The following KLRD1 variants were observed in gnomAD, a reference collection of about 807,000 sequenced individuals.
KLRD1 encodes killer cell lectin like receptor D1, also known as natural killer cells antigen CD94.
KLRD1 carries 21 observed loss-of-function variants against 22.6 expected under a neutral mutation model. The ratio of observed to expected loss-of-function variants is 0.93; its 90% confidence interval spans 0.66 to 1.34. The LOEUF (loss-of-function observed/expected upper bound fraction) is 1.34. Among genes scored for constraint, KLRD1 ranks in the 40% most tolerant of loss-of-function variants. The pLI, the probability that KLRD1 is intolerant of heterozygous loss-of-function variation, is 0.00. For synonymous variants in KLRD1, 59 were observed against 71.1 expected (o/e 0.83, Z 0.85); for missense variants, 183 against 208.6 (o/e 0.88, Z 0.76).
chr12:10,294,409 G>A (rs568144766), intron 1 of KLRD1, among the ~76,000 whole-genome samples: 11 of 151,864 alleles, frequency 7.2e-5, no homozygotes, highest in African/African-American at 1.7e-4. Flanking sequence ...TTTTTTGTTC[G>A]TTTTTTTGAG....
chr12:10,252,817 A>C (rs1338009000), intron 1 of KLRD1, among the ~76,000 whole-genome samples: 1 of 152,096 alleles, frequency 6.6e-6, no homozygotes, highest in African/African-American at 2.4e-5. Flanking sequence ...GAGTAAAACT[A>C]TCGCAGCTGT....
At chr12:10,295,569 G>T (rs940370155) in intron 1 of KLRD1, among the ~76,000 whole-genome samples, 1 of 151,630 alleles carries the variant, frequency 6.6e-6, no homozygotes, top group African/African-American at 2.4e-5. Flanking sequence ...TTTACACATT[G>T]AATAGAATTT....
intron 1 of KLRD1, among the ~76,000 whole-genome samples, chr12:10,281,371 T>TA (rs1949640822): frequency 6.6e-6 from 1 of 152,208 alleles, no homozygotes; most frequent in Non-Finnish European, 1.5e-5. Context: ...TTGTTTTTCT[T>TA]ACTAAATTTG....
At chr12:10,297,174 A>C (rs1404107934) in intron 1 of KLRD1, among the ~76,000 whole-genome samples, 1 of 152,168 alleles carries the variant, frequency 6.6e-6, no homozygotes, top group Non-Finnish European at 1.5e-5. Context: ...CAAGTTGTAA[A>C]CTTGTGCTCA....
At chr12:10,275,771 A>G (rs1219613059) in intron 1 of KLRD1, among the ~76,000 whole-genome samples, 2 of 152,242 alleles carry the variant, frequency 1.3e-5, no homozygotes, top group African/African-American at 4.8e-5. Flanking sequence ...AAAATTACCA[A>G]TTAGATAAAT....
chr12:10,319,670 C>G lies in KLRD1; in HGVS notation c.*4877C>G, dbSNP rs1434858166. The G allele has an allele frequency of 6.6e-6, 1 of 152,066 alleles. No homozygotes were observed. Among genetic ancestry groups the G allele is most frequent in the African/African-American group, 2.4e-5 (1 of 41,388 alleles). 9.4% of individuals were successfully genotyped at this position (152,066 alleles called of 1,614,324 possible). On this transcript the variant is annotated 3_prime_UTR_variant, in exon 6 of 6. Transcript: ENST00000336164. ...CACACAGCCAGCAAGGAACTGAAGT[C>G]TATTTCCAATAGCCATGCTATGAGC...
rs563873927 is a variant in KLRD1 at position 10,251,612 on chromosome 12, T to A, written c.-101+25379T>A. 2.0e-5 allele frequency among the ~76,000 whole-genome samples: 3 copies of A among 152,026 alleles called. No individual in the cohort carries two copies. The East Asian group carries it at 5.8e-4, about 29-fold the overall frequency. On this transcript the variant is annotated intron_variant, in intron 1 of 5. Coordinates refer to the KLRD1 transcript ENST00000544747. ...CACTTTATTTCTATTATTATTACAT[T>A]GTAATATATAATGAAATAATTCTAC...
chr12:10,297,881 C>G (rs75362903), intron 1 of KLRD1, among the ~76,000 whole-genome samples: 3,311 of 152,250 alleles, frequency 0.022, 107 homozygotes, highest in African/African-American at 0.074. Context: ...AATCTATGCT[C>G]TGGTCACTTA....
intron 1 of KLRD1, among the ~76,000 whole-genome samples, chr12:10,289,653 T>A (rs1432786220): frequency 6.6e-6 from 1 of 152,222 alleles, no homozygotes; most frequent in Non-Finnish European, 1.5e-5. Context: ...TTGCTTTGGT[T>A]TGGTTTGTTT....
In KLRD1 at chr12:10,321,970, C is replaced by T. The variant is rs1198834109; in HGVS notation, c.*7177C>T. 4.6e-5 allele frequency: 7 copies of T among 152,176 alleles called. No homozygotes were observed. The highest frequency in any genetic ancestry group is 9.7e-5 in the African/African-American group (4 of 41,424). The allele number at this position is 152,176 out of a possible 1,614,324, so 9.4% of individuals were successfully genotyped here. A position where few individuals can be genotyped will look rare whatever the true frequency, so the allele number is the denominator to read the frequency against. ...GAAATATTTTGTTGTTTTAAGCTTA[C>T]GAGTTTGAGGATAATTTGTTCTTTA... On this transcript the variant is annotated 3_prime_UTR_variant, in exon 6 of 6. Coordinates refer to ENST00000336164, the MANE Select transcript of KLRD1 (RefSeq NM_002262.5).
intron 1 of KLRD1, among the ~76,000 whole-genome samples, chr12:10,271,083 T>C (rs1005948617): frequency 7.2e-6 from 1 of 139,124 alleles, no homozygotes; most frequent in Non-Finnish European, 1.5e-5. Context: ...CGCAGCCGCC[T>C]CCACTCCCTA....
chr12:10,271,064 G>A (rs994389467), intron 1 of KLRD1, among the ~76,000 whole-genome samples: 11 of 150,644 alleles, frequency 7.3e-5, no homozygotes, highest in Middle Eastern at 3.2e-3. Flanking sequence ...GATTAGAGGC[G>A]TGAGCCACCG....
chr12:10,318,038 G>A lies in KLRD1; in HGVS notation c.*3245G>A, dbSNP rs538917937. 6.6e-6 allele frequency: 1 copy of A among 152,334 alleles called. No individual in the cohort carries two copies. The highest frequency in any genetic ancestry group is 2.1e-4 in the South Asian group (1 of 4,828). 9.4% of individuals were successfully genotyped at this position (152,334 alleles called of 1,614,324 possible). ...CTACCAGTTCCCTCACATGATACGT[G>A]AGGATTAGGGGCACTACAATTCAAG... On this transcript the variant is annotated 3_prime_UTR_variant, in exon 6 of 6. Transcript: ENST00000336164.
intron 1 of KLRD1, among the ~76,000 whole-genome samples, chr12:10,244,474 A>T (rs1303127634): frequency 2.0e-5 from 3 of 152,168 alleles, no homozygotes; most frequent in African/African-American, 7.2e-5. Flanking sequence ...CATTTCCAAT[A>T]AACTCAGTTA....
chr12:10,263,951 A>T (rs1293717641), intron 1 of KLRD1, among the ~76,000 whole-genome samples: 4 of 152,122 alleles, frequency 2.6e-5, no homozygotes, highest in East Asian at 3.8e-4. Flanking sequence ...CATAGGATGG[A>T]TGTGGCTAGT....
At chr12:10,311,694 T>G in intron 4 of KLRD1, 79 bp downstream of exon 4, 1 of 1,370,482 alleles carries the variant, frequency 7.3e-7, no homozygotes, top group Non-Finnish European at 1.0e-6. Flanking sequence ...TACTTTGGTT[T>G]AAGTCATTAA....
At chr12:10,286,820 T>A (rs1949710537) in intron 1 of KLRD1, among the ~76,000 whole-genome samples, 1 of 151,954 alleles carries the variant, frequency 6.6e-6, no homozygotes, top group Non-Finnish European at 1.5e-5. Context: ...CGTAACTGTT[T>A]ACATTCAGTT....
intron 1 of KLRD1, among the ~76,000 whole-genome samples, chr12:10,254,891 C>T (rs1008534816): frequency 6.9e-6 from 1 of 145,586 alleles, no homozygotes; most frequent in Non-Finnish European, 1.5e-5. Flanking sequence ...AGATCAGTCT[C>T]AAAAATAAAT....
At position 10,307,986 on chromosome 12, in the gene KLRD1, A is replaced by G. The variant is rs994873770; in HGVS notation, c.-92A>G. 5.3e-6 allele frequency: 6 copies of G among 1,134,860 alleles called. No individual in the cohort carries two copies. The highest frequency in any genetic ancestry group is 7.9e-6 in the Non-Finnish European group (6 of 760,950). 70.3% of individuals were successfully genotyped at this position (1,134,860 alleles called of 1,614,324 possible). ...TCATACTCAACTTTCAGATTCTTTA[A>G]TCTCCAGCTCAGCTTCAACAATTCA... On this transcript the variant is annotated 5_prime_UTR_variant, in exon 1 of 6. Transcript: ENST00000336164.
Sources: allele counts gnomAD v4.1 joint callset (sites outside exome capture counted in the v4.1 genomes callset), GRCh38; gene constraint gnomAD v4.1.1; transcripts MANE v1.5; gene names NCBI Gene and HGNC (gene_info 2026-07-23, HGNC 2026-07-21).